Variants in STXBP5L observed in about 807,000 individuals in gnomAD.
STXBP5L encodes syntaxin-binding protein 5-like.
In STXBP5L, 65 loss-of-function variants were observed where a neutral mutation model predicts 144.5. The ratio of observed to expected loss-of-function variants is 0.45; its 90% CI spans 0.37 to 0.55. The LOEUF (loss-of-function observed/expected upper bound fraction) is 0.55. STXBP5L is among the 20% of genes least tolerant of loss of function. The pLI, the probability that STXBP5L is intolerant of heterozygous loss-of-function variation, is 0.00. For synonymous variants in STXBP5L, 505 were observed against 469.6 expected, an observed-to-expected ratio of 1.08 and a Z score of -0.97; for missense variants, 1,298 against 1,405.5, an observed-to-expected ratio of 0.92 and a Z score of 1.22.
At chr3:121,106,288 TC>T (rs2043702223) in intron 5 of STXBP5L, among the ~76,000 whole-genome samples, 1 of 152,180 alleles carries the variant, frequency 6.6e-6, no homozygotes, top group South Asian at 2.1e-4. Flanking sequence ...GTGAAGGACA[TC>T]CAGGTTTGTT....
At chr3:121,383,266 A>C (rs970985556) in intron 22 of STXBP5L, among the ~76,000 whole-genome samples, 1 of 151,934 alleles carries the variant, frequency 6.6e-6, no homozygotes, top group Non-Finnish European at 1.5e-5. Context: ...ATGAGACCCC[A>C]TCTCTACAAA....
At chr3:120,980,494 C>G (rs1346350954) in intron 3 of STXBP5L, among the ~76,000 whole-genome samples, 1 of 149,130 alleles carries the variant, frequency 6.7e-6, no homozygotes, top group Admixed American at 6.7e-5. Context: ...GATTTAAAAT[C>G]TATTTTATCT....
rs149990042 is a variant in STXBP5L, at chr3:121,027,099, G to GTA, written c.288-14591_288-14590dup. ...AGTTTTTCTATTTATGTGTATATATGTATATATATATGTGTTTGTATATGT... is the reference window on the plus strand; with the variant it reads ...AGTTTTTCTATTTATGTGTATATATGTATATATATATATGTGTTTGTATATGT... On this transcript the variant is annotated intron_variant, in intron 3 of 26. Transcript: ENST00000471454. Among the ~76,000 whole-genome samples, 426 of 151,548 alleles carry GTA rather than the reference G, an allele frequency of 2.8e-3. 1 individual carries two copies. The highest frequency in any genetic ancestry group is 8.8e-3 in the African/African-American group (363 of 41,364).
intron 20 of STXBP5L, among the ~76,000 whole-genome samples, chr3:121,340,999 GA>G (rs1265270403): frequency 3.3e-5 from 5 of 151,498 alleles, no homozygotes; most frequent in East Asian, 1.9e-4. Flanking sequence ...ATAAAAAATA[GA>G]AAAAAAATGG....
intron 9 of STXBP5L, among the ~76,000 whole-genome samples, chr3:121,186,126 G>A: frequency 6.6e-6 from 1 of 152,144 alleles, no homozygotes; most frequent in East Asian, 1.9e-4. Flanking sequence ...AAGAATGCTT[G>A]TGATTTTTGC....
chr3:120,933,953 A>G (rs1260484261), intron 2 of STXBP5L, among the ~76,000 whole-genome samples: 1 of 152,022 alleles, frequency 6.6e-6, no homozygotes, highest in Admixed American at 6.6e-5. Context: ...GAAACCTTCA[A>G]TTTCATTTTG....
At chr3:121,173,135 C>G (rs2046793485) in intron 9 of STXBP5L, among the ~76,000 whole-genome samples, 2 of 151,686 alleles carry the variant, frequency 1.3e-5, no homozygotes, top group Non-Finnish European at 2.9e-5. Context: ...TGTGAGAACA[C>G]ATGGAAACAC....
chr3:121,084,925 T>C (rs1196710302), intron 5 of STXBP5L, among the ~76,000 whole-genome samples: 1 of 152,200 alleles, frequency 6.6e-6, no homozygotes, highest in Admixed American at 6.5e-5. Flanking sequence ...CATGAGATAG[T>C]ATCTCATTCT....
intron 2 of STXBP5L, among the ~76,000 whole-genome samples, chr3:120,952,463 T>G (rs893913434): frequency 4.6e-5 from 7 of 152,110 alleles, no homozygotes; most frequent in African/African-American, 1.7e-4. Flanking sequence ...TTATTTTATT[T>G]TTGGATAGTT....
At chr3:121,157,080 G>A (rs937240154) in intron 8 of STXBP5L, among the ~76,000 whole-genome samples, 4 of 152,022 alleles carry the variant, frequency 2.6e-5, no homozygotes, top group Admixed American at 2.0e-4. Flanking sequence ...ATATGCAAGA[G>A]GGCAATACAG....
Position 121,170,454 on chromosome 3 carries a change from TAAA to T in STXBP5L, c.877+12828_877+12830del, listed in dbSNP as rs367639279. On this transcript the variant is annotated intron_variant, in intron 9 of 26. Coordinates refer to ENST00000471454, the MANE Select transcript of STXBP5L (RefSeq NM_001308330.2). ...CAAAATAGACCGCTAGTCAGACTAA[TAAA>T]GAAGAATAGAGACAAGAATCAAATA... Among the ~76,000 whole-genome samples, 17 of 151,864 alleles carry T rather than the reference TAAA, an allele frequency of 1.1e-4. No homozygotes were observed. In the East Asian group the frequency reaches 2.5e-3, roughly 23 times the overall value.
At chr3:121,279,492 G>C (rs759825171) in intron 18 of STXBP5L, among the ~76,000 whole-genome samples, 12 of 151,800 alleles carry the variant, frequency 7.9e-5, no homozygotes, top group Non-Finnish European at 1.2e-4. Context: ...TAGCAAAAAG[G>C]TTTTGTGTGA....
At chr3:121,190,311 C>T (rs1442244639) in intron 9 of STXBP5L, among the ~76,000 whole-genome samples, 1 of 152,120 alleles carries the variant, frequency 6.6e-6, no homozygotes, top group Admixed American at 6.5e-5. Flanking sequence ...CATCTTGCAC[C>T]GCCCTTAATC....
chr3:120,910,440 CATT>C, intron 2 of STXBP5L, among the ~76,000 whole-genome samples: 1 of 152,166 alleles, frequency 6.6e-6, no homozygotes, highest in South Asian at 2.1e-4. Context: ...ATAAAACAAG[CATT>C]AGGTTAATGC....
chr3:121,035,928 T>C (rs933687742), intron 3 of STXBP5L, among the ~76,000 whole-genome samples: 5 of 152,320 alleles, frequency 3.3e-5, no homozygotes, highest in African/African-American at 1.2e-4. Flanking sequence ...AGTGAACAGG[T>C]CTTAAAACAT....
At chr3:121,039,712 T>C (rs1947012908) in intron 3 of STXBP5L, among the ~76,000 whole-genome samples, 1 of 151,756 alleles carries the variant, frequency 6.6e-6, no homozygotes. Context: ...TTTTGGTCAT[T>C]ATTTAAAAAA....
intron 7 of STXBP5L, among the ~76,000 whole-genome samples, chr3:121,135,600 G>T (rs1168724149): frequency 6.6e-6 from 1 of 152,172 alleles, no homozygotes. Flanking sequence ...TTACAGTAGG[G>T]TTCACAATCC....
chr3:121,037,508 G>C (rs1164495773), intron 3 of STXBP5L, among the ~76,000 whole-genome samples: 1 of 151,878 alleles, frequency 6.6e-6, no homozygotes, highest in Non-Finnish European at 1.5e-5. Context: ...CTCCTGCCTT[G>C]GCCTTATGAA....
intron 20 of STXBP5L, among the ~76,000 whole-genome samples, chr3:121,366,370 G>C (rs527876364): frequency 6.6e-6 from 1 of 151,852 alleles, no homozygotes; most frequent in South Asian, 2.1e-4. Flanking sequence ...AACTATTATA[G>C]AACTGTATAT....
Sources: allele counts gnomAD v4.1 joint callset (sites outside exome capture counted in the v4.1 genomes callset), GRCh38; gene constraint gnomAD v4.1.1; transcripts MANE v1.5; gene names NCBI Gene and HGNC (gene_info 2026-07-23, HGNC 2026-07-21).